KCNQ1OT1: variants seen among roughly 807,000 people sequenced by gnomAD.
KCNQ1OT1 encodes the protein KCNQ1 opposite strand/antisense transcript 1, also known as KCNQ1 antisense RNA 2 (non-protein coding).
In KCNQ1OT1 at chr11:2,682,475, C is replaced by CAAGTGAGTGAGT. The variant is rs112547618; in HGVS notation, n.17519_17520insACTCACTCACTT. 2.6e-6 allele frequency: 1 copy of CAAGTGAGTGAGT among 389,392 alleles called. No individual in the cohort carries two copies. Among genetic ancestry groups the CAAGTGAGTGAGT allele is most frequent in the African/African-American group, 2.1e-5 (1 of 47,568 alleles). The allele number at this position is 389,392 out of a possible 1,614,324, so 24.1% of individuals were successfully genotyped here. Reference sequence around the variant, plus strand: ...TCACGGACCCTCAGTGAATGTTTGACGAGTGAGTGAGTGAGTGAGTGAGTG... The same window carrying CAAGTGAGTGAGT: ...TCACGGACCCTCAGTGAATGTTTGACAAGTGAGTGAGTGAGTGAGTGAGTGAGTGAGTGAGTG... On this transcript the variant is annotated non_coding_transcript_exon_variant, in exon 1 of 1. Transcript: ENST00000597346. The surrounding 1 kb of genome is among the most constrained non-coding windows in gnomAD (Gnocchi z 5.8).
At chr11:2,646,349 C>CA in exon 1 of KCNQ1OT1, 1 of 398,514 alleles carries the variant, frequency 2.5e-6, no homozygotes, top group Non-Finnish European at 4.4e-6. Context: ...TGGGATGTCT[C>CA]AAAAAATTTT....
exon 1 of KCNQ1OT1, chr11:2,681,961 T>G (rs1850405479): frequency 2.5e-6 from 1 of 398,460 alleles, no homozygotes; most frequent in Admixed American, 4.4e-5. Flanking sequence ...TACTTACACT[T>G]CCTGTTTGCC....
chr11:2,611,815 G>T lies in KCNQ1OT1; in HGVS notation n.88180C>A. 2 of 398,176 alleles carry T rather than the reference G, an allele frequency of 5.0e-6. No individual in the cohort carries two copies. The highest frequency in any genetic ancestry group is 6.3e-4 in the Middle Eastern group (1 of 1,586). The allele number at this position is 398,176 out of a possible 1,614,324, so 24.7% of individuals were successfully genotyped here. ...CTTCCTCCTTTACTGCCTTCTGCAG[G>T]TTGAATAGATATGTTCTAGAGTACC... On this transcript the variant is annotated non_coding_transcript_exon_variant, in exon 1 of 1. Coordinates refer to ENST00000597346, the Ensembl canonical transcript of KCNQ1OT1. This position sits in a 1 kb window ranked among gnomAD's most constrained non-coding sequence, Gnocchi z 5.3.
At chr11:2,656,180 TCTTC>T (rs1028818529) in exon 1 of KCNQ1OT1, 2 of 398,526 alleles carry the variant, frequency 5.0e-6, no homozygotes, top group African/African-American at 4.1e-5. Context: ...GTTTTTTCTT[TCTTC>T]CTTCCTTTAA....
rs375384279 is a variant in KCNQ1OT1, at chr11:2,671,872, G to A, written n.28123C>T. 1.5e-5 allele frequency: 6 copies of A among 398,722 alleles called. No individual in the cohort carries two copies. The highest frequency in any genetic ancestry group is 7.1e-5 in the East Asian group (2 of 28,082). The allele number at this position is 398,722 out of a possible 1,614,324, so 24.7% of individuals were successfully genotyped here. On this transcript the variant is annotated non_coding_transcript_exon_variant, in exon 1 of 1. Transcript: ENST00000597346. The surrounding 1 kb of genome is among the most constrained non-coding windows in gnomAD (Gnocchi z 4.7). ...CTGCCCCAGGGAGCCAAGCCCTGGA[G>A]AGGAGGTGGGCAGCACCAGGCAGCC...
exon 1 of KCNQ1OT1, chr11:2,609,346 C>G (rs1306766531): frequency 1.5e-5 from 6 of 398,232 alleles, no homozygotes; most frequent in Non-Finnish European, 2.7e-5. Flanking sequence ...TTCTTTGCTA[C>G]TGAGTTCTAC....
At chr11:2,699,048 T>C (rs1397148687) in exon 1 of KCNQ1OT1, 2 of 398,500 alleles carry the variant, frequency 5.0e-6, no homozygotes, top group African/African-American at 2.1e-5. Flanking sequence ...CGGTCCCAAT[T>C]CGGGCTTTGA....
At position 2,687,684 on chromosome 11, in the gene KCNQ1OT1, G is replaced by A. The variant is rs1034138216; in HGVS notation, n.12311C>T. 1 of 398,596 alleles carries A rather than the reference G, an allele frequency of 2.5e-6. No homozygotes were observed. The highest frequency in any genetic ancestry group is 4.4e-6 in the Non-Finnish European group (1 of 226,160). 24.7% of individuals were successfully genotyped at this position (398,596 alleles called of 1,614,324 possible). On this transcript the variant is annotated non_coding_transcript_exon_variant, in exon 1 of 1. Transcript: ENST00000597346. The surrounding 1 kb of genome is among the most constrained non-coding windows in gnomAD (Gnocchi z 5.0). ...GCCAGCCAGGTCTCAGGGAGCTCAGGGTTCAGTGTTGGAATGGGTCTGGGC... is the reference window on the plus strand; with the variant it reads ...GCCAGCCAGGTCTCAGGGAGCTCAGAGTTCAGTGTTGGAATGGGTCTGGGC...
At chr11:2,640,501 G>C (rs1241540115) in exon 1 of KCNQ1OT1, 2 of 397,718 alleles carry the variant, frequency 5.0e-6, no homozygotes, top group Non-Finnish European at 8.8e-6. Flanking sequence ...GCCCAGGCTG[G>C]TCTTGAATTC....
exon 1 of KCNQ1OT1, chr11:2,638,886 C>T (rs1849523580): frequency 6.6e-6 from 1 of 152,190 alleles, no homozygotes; most frequent in Non-Finnish European, 1.5e-5. Flanking sequence ...CACATAGTCC[C>T]ATATTTCTTG....
At chr11:2,646,152 T>C (rs1849662281) in exon 1 of KCNQ1OT1, 4 of 398,532 alleles carry the variant, frequency 1.0e-5, no homozygotes, top group Non-Finnish European at 1.8e-5. Context: ...TCCAGCATTC[T>C]CTCAGAGGCG....
chr11:2,617,604 A>G lies in KCNQ1OT1; in HGVS notation n.82391T>C. The G allele has an allele frequency of 2.5e-6, 1 of 398,386 alleles. No individual in the cohort carries two copies. 24.7% of individuals were successfully genotyped at this position (398,386 alleles called of 1,614,324 possible). ...AGAAGAGGGATTAGTGGGTCAGATG[A>G]TAGTATATTTTCAATTTCTTTAGGA... On this transcript the variant is annotated non_coding_transcript_exon_variant, in exon 1 of 1. Transcript: ENST00000597346. The surrounding 1 kb of genome is among the most constrained non-coding windows in gnomAD (Gnocchi z 4.6).
chr11:2,646,532 G>A lies in KCNQ1OT1; in HGVS notation n.53463C>T, dbSNP rs549079548. The A allele has an allele frequency of 1.0e-5, 4 of 398,534 alleles. No homozygotes were observed. In the South Asian group the frequency reaches 5.1e-4, roughly 51 times the overall value. The allele number at this position is 398,534 out of a possible 1,614,324, so 24.7% of individuals were successfully genotyped here. ...GAAATGCTACTGATTTTTTGGGGGA[G>A]GCAGGGGAGTGCAGACAGGGTCTCA... is the stretch of plus-strand genomic sequence containing the variant. On this transcript the variant is annotated non_coding_transcript_exon_variant, in exon 1 of 1. Transcript: ENST00000597346.
At chr11:2,692,255 C>G in exon 1 of KCNQ1OT1, 1 of 398,984 alleles carries the variant, frequency 2.5e-6, no homozygotes. Context: ...ATCACCAAGC[C>G]AGGCTTACTT....
chr11:2,609,688 A>G, exon 1 of KCNQ1OT1: 1 of 398,200 alleles, frequency 2.5e-6, no homozygotes, highest in Non-Finnish European at 4.4e-6. Flanking sequence ...TTTGCTTCTT[A>G]TGTTTTAGTT....
exon 1 of KCNQ1OT1, chr11:2,680,553 A>G: frequency 2.5e-6 from 1 of 398,586 alleles, no homozygotes; most frequent in Non-Finnish European, 4.4e-6. Flanking sequence ...CTAAGAAACA[A>G]CACAGAGAAA....
Position 2,662,047 on chromosome 11 carries a change from G to T in KCNQ1OT1, n.37948C>A. 2 of 1,614,250 alleles carry T rather than the reference G, an allele frequency of 1.2e-6. No individual in the cohort carries two copies. The highest frequency in any genetic ancestry group is 1.7e-6 in the Non-Finnish European group (2 of 1,180,048). On this transcript the variant is annotated non_coding_transcript_exon_variant, in exon 1 of 1. Transcript: ENST00000597346. Reference sequence around the variant, plus strand: ...CGCCGAGGACCTGGACCTGGAAGGGGAGACTCTGCTGACACCCATCACCCA... The same window carrying T: ...CGCCGAGGACCTGGACCTGGAAGGGTAGACTCTGCTGACACCCATCACCCA...
In KCNQ1OT1 at chr11:2,620,934, TG is replaced by T. The variant is rs1256788281; in HGVS notation, n.79060del. The T allele has an allele frequency of 2.7e-5, 9 of 333,676 alleles. No homozygotes were observed. The highest frequency in any genetic ancestry group is 3.5e-5 in the Non-Finnish European group (7 of 201,262). The allele number at this position is 333,676 out of a possible 1,614,324, so 20.7% of individuals were successfully genotyped here. A position where few individuals can be genotyped will look rare whatever the true frequency, so the allele number is the denominator to read the frequency against. The stretch of plus-strand genomic sequence containing the variant: ...TTATGGTTTGGTGTTTTTTTGTTGT[TG>T]TTGTTTTGTTTTGTTTTTTTTTGTC... On this transcript the variant is annotated non_coding_transcript_exon_variant, in exon 1 of 1. Coordinates refer to ENST00000597346, the Ensembl canonical transcript of KCNQ1OT1. The surrounding 1 kb of genome is among the most constrained non-coding windows in gnomAD (Gnocchi z 4.5).
chr11:2,656,236 A>G (rs1330990177), exon 1 of KCNQ1OT1: 2 of 398,564 alleles, frequency 5.0e-6, no homozygotes, highest in African/African-American at 4.1e-5. Flanking sequence ...CTGTCACTTG[A>G]CAACTGCATT....
Sources: gnomAD v4.1 joint callset for allele counts on GRCh38, gnomAD v4.1.1 for gene constraint, Gnocchi (gnomAD v3.1) non-coding constraint, MANE v1.5 for transcripts, NCBI Gene and HGNC (gene_info 2026-07-23, HGNC 2026-07-21) for gene names.